ZFPM1: variants seen among roughly 807,000 people sequenced by gnomAD.
ZFPM1 encodes the protein zinc finger protein ZFPM1.
In ZFPM1, 28 loss-of-function variants were observed where a neutral mutation model predicts 46.3. That is an observed-to-expected ratio of 0.60 (90% CI 0.45 to 0.83). The LOEUF (loss-of-function observed/expected upper bound fraction) is 0.83. Among genes scored for constraint, ZFPM1 ranks in the 40% least tolerant of loss-of-function variants. The probability of loss-of-function intolerance (pLI) is 0.00; values close to 1 mark genes in which losing one functional copy is unlikely to be tolerated. For missense variants in ZFPM1, 1,878 were observed against 1,432.4 expected (o/e 1.31, Z -5.02); for synonymous variants, 957 against 675.9 (o/e 1.42, Z -6.45).
chr16:88,481,082 T>C (rs1185718231), intron 1 of ZFPM1, among the ~76,000 whole-genome samples: 2 of 152,248 alleles, frequency 1.3e-5, no homozygotes, highest in Admixed American at 6.5e-5. Context: ...ATAGCTATTA[T>C]GTTTTCATTT....
chr16:88,489,274 C>T, intron 3 of ZFPM1, 121 bp downstream of exon 3: 1 of 1,406,734 alleles, frequency 7.1e-7, no homozygotes, highest in Non-Finnish European at 9.4e-7. Context: ...CCACCAGGCC[C>T]AGGCCTGTGC....
chr16:88,499,700 G>C (rs1290611658), intron 3 of ZFPM1, among the ~76,000 whole-genome samples: 2 of 152,210 alleles, frequency 1.3e-5, no homozygotes, highest in African/African-American at 4.8e-5. Context: ...AGTGGGCAGT[G>C]TCCCCATTCA....
chr16:88,529,211 G>A (rs950353399), intron 6 of ZFPM1, among the ~76,000 whole-genome samples: 2 of 152,276 alleles, frequency 1.3e-5, no homozygotes, highest in Non-Finnish European at 2.9e-5. Flanking sequence ...CACGAGTCAC[G>A]CAGGGAACAC....
At chr16:88,513,634 C>T (rs1284211472) in intron 3 of ZFPM1, among the ~76,000 whole-genome samples, 1 of 152,198 alleles carries the variant, frequency 6.6e-6, no homozygotes, top group Admixed American at 6.5e-5. Context: ...CAGGTGAGGG[C>T]CAGGTGTGGC....
chr16:88,527,611 C>G (rs1382095995), intron 5 of ZFPM1, among the ~76,000 whole-genome samples: 1 of 152,058 alleles, frequency 6.6e-6, no homozygotes, highest in Non-Finnish European at 1.5e-5. Flanking sequence ...GCAGCCTGGG[C>G]TTTGTGGGCT....
chr16:88,487,319 A>G (rs987737492), intron 2 of ZFPM1, among the ~76,000 whole-genome samples: 1 of 152,088 alleles, frequency 6.6e-6, no homozygotes, highest in Non-Finnish European at 1.5e-5. Flanking sequence ...CCAATCTCAT[A>G]CCTACCCCAT....
intron 3 of ZFPM1, among the ~76,000 whole-genome samples, chr16:88,504,938 A>T (rs1910567580): frequency 6.6e-6 from 1 of 152,060 alleles, no homozygotes. Flanking sequence ...TCCCTGCAGG[A>T]GAGCTGGGCC....
chr16:88,480,324 G>C lies in ZFPM1; in HGVS notation c.41-5615G>C, dbSNP rs1473204333. On this transcript the variant is annotated intron_variant, in intron 1 of 9. Coordinates refer to ENST00000319555, the MANE Select transcript of ZFPM1 (RefSeq NM_153813.3). The surrounding 1 kb of genome is among the most constrained non-coding windows in gnomAD (Gnocchi z 4.9). ...TGCAGGATCTCTGGCACCTCGTGAG[G>C]GTGGGGCACGCCAAGGGCTCAGGAA... Among the ~76,000 whole-genome samples the C allele has an allele frequency of 2.0e-5, 3 of 152,192 alleles. No individual in the cohort carries two copies. Among genetic ancestry groups the C allele is most frequent in the African/African-American group, 7.2e-5 (3 of 41,454 alleles).
chr16:88,465,158 C>G (rs1186647529), intron 1 of ZFPM1, among the ~76,000 whole-genome samples: 1 of 152,242 alleles, frequency 6.6e-6, no homozygotes, highest in East Asian at 1.9e-4. Context: ...ACCGCAGCGG[C>G]CTCTGCACAG....
rs754779720 is a variant in ZFPM1 at position 88,534,502 on chromosome 16, G to T, written c.2544G>T (p.Ala848=). Residue 848 remains alanine, a synonymous_variant, in exon 10 of 10, where the codon GCG becomes GCT. Transcript: ENST00000319555. ...GCCCCGCTGCGCCACCGCCCGGCGC[G>T]CTCGGCCTGCCCGCCGCCGCCTGCC... is the stretch of plus-strand genomic sequence containing the variant. The part of the protein sequence containing the change: ...YSCPAAPPPG[A]LGLPAAACPY... The T allele has an allele frequency of 2.7e-6, 4 of 1,455,568 alleles. No homozygotes were observed. Among genetic ancestry groups the T allele is most frequent in the Admixed American group, 4.8e-5 (2 of 41,318 alleles). 90.2% of individuals were successfully genotyped at this position (1,455,568 alleles called of 1,614,324 possible). A position where few individuals can be genotyped will look rare whatever the true frequency, so the allele number is the denominator to read the frequency against.
At chr16:88,472,974 C>T (rs982128461) in intron 1 of ZFPM1, among the ~76,000 whole-genome samples, 43 of 152,358 alleles carry the variant, frequency 2.8e-4, no homozygotes, top group African/African-American at 9.9e-4. Context: ...TCCAGGACGC[C>T]GCAGCCCTGG....
chr16:88,532,630 G>T lies in ZFPM1; in HGVS notation c.963G>T (p.Val321=). The change falls in exon 8 of 10, where the codon GTG becomes GTT. Residue 321 remains valine, a synonymous_variant. Transcript: ENST00000319555. ...GTGTTCCAGGAGAGCGGCCCTTCGTGTGCCTGATCTGCCTGTCGGCCTTCA... is the reference window on the plus strand; with the variant it reads ...GTGTTCCAGGAGAGCGGCCCTTCGTTTGCCTGATCTGCCTGTCGGCCTTCA... The part of the protein sequence containing the change: ...MRSHSGERPF[V]CLICLSAFTT... 1.3e-6 allele frequency: 2 copies of T among 1,577,474 alleles called. No homozygotes were observed. Among genetic ancestry groups the T allele is most frequent in the Non-Finnish European group, 1.7e-6 (2 of 1,161,324 alleles).
chr16:88,532,234 C>T lies in ZFPM1; in HGVS notation c.945C>T (p.Ser315=), dbSNP rs754925317. ...SSLEIHMRSH[S]GERPFVCLIC... ...TGGAGATCCACATGCGCAGCCACAG[C>T]GGTGAGCCCCCACCCCGGACGCGGG... Residue 315 remains serine, a splice_region_variant and synonymous_variant, in exon 7 of 10, where the codon AGC becomes AGT. Transcript: ENST00000319555. The T allele has an allele frequency of 1.3e-6, 2 of 1,595,318 alleles. No homozygotes were observed. Among genetic ancestry groups the T allele is most frequent in the Non-Finnish European group, 1.7e-6 (2 of 1,167,596 alleles).
At chr16:88,517,258 A>ATGGG (rs1911385101) in intron 4 of ZFPM1, among the ~76,000 whole-genome samples, 1 of 122,058 alleles carries the variant, frequency 8.2e-6, no homozygotes, top group South Asian at 3.0e-4. Flanking sequence ...GGATGGATGG[A>ATGGG]TGGATGGATG....
At chr16:88,500,222 C>T (rs1211913196) in intron 3 of ZFPM1, among the ~76,000 whole-genome samples, 4 of 151,750 alleles carry the variant, frequency 2.6e-5, no homozygotes, top group Non-Finnish European at 4.4e-5. Flanking sequence ...GTCACCTGGG[C>T]GAGCCCCTGG....
chr16:88,493,698 T>G lies in ZFPM1; in HGVS notation c.268+4545T>G, dbSNP rs191530652. On this transcript the variant is annotated intron_variant, in intron 3 of 9. Coordinates refer to ENST00000319555, the MANE Select transcript of ZFPM1 (RefSeq NM_153813.3). ...CGGGTTGCGGAGAGCTGTCCTGGCA[T>G]GCACATGGCCATTGTCTTGACTTCC... Among the ~76,000 whole-genome samples the G allele has an allele frequency of 1.3e-3, 197 of 151,984 alleles. 1 individual carries two copies. The highest frequency in any genetic ancestry group is 4.6e-3 in the African/African-American group (189 of 41,336).
At chr16:88,499,530 G>A (rs1397828099) in intron 3 of ZFPM1, among the ~76,000 whole-genome samples, 8 of 152,224 alleles carry the variant, frequency 5.3e-5, no homozygotes, top group Admixed American at 3.3e-4. Context: ...GCAGGACCGC[G>A]CACGTGGACA....
At chr16:88,523,007 A>C (rs995212391) in intron 4 of ZFPM1, among the ~76,000 whole-genome samples, 1 of 152,148 alleles carries the variant, frequency 6.6e-6, no homozygotes, top group Non-Finnish European at 1.5e-5. Context: ...GCAGTTCAAG[A>C]CCAGTCTGCC....
intron 3 of ZFPM1, among the ~76,000 whole-genome samples, chr16:88,510,189 G>C (rs537437134): frequency 5.1e-4 from 77 of 152,268 alleles, no homozygotes; most frequent in Admixed American, 4.4e-3. Context: ...CTGAGGCTCA[G>C]AGCACACACA....
Sources: gnomAD v4.1 joint callset for allele counts (sites outside exome capture counted in the v4.1 genomes callset) on GRCh38, gnomAD v4.1.1 for gene constraint, Gnocchi (gnomAD v3.1) non-coding constraint, MANE v1.5 for transcripts, NCBI Gene and HGNC (gene_info 2026-07-23, HGNC 2026-07-21) for gene names.